SYNE3: variants seen among roughly 807,000 people sequenced by gnomAD.
SYNE3 encodes the protein spectrin repeat containing nuclear envelope family member 3.
SYNE3 carries 100 observed loss-of-function variants against 111.2 expected under a neutral mutation model. The observed-to-expected ratio is 0.90, with a 90% confidence interval of 0.77 to 1.06. The LOEUF (loss-of-function observed/expected upper bound fraction) is 1.06. SYNE3 is among the 50% of genes least tolerant of loss of function. SYNE3 has a pLI of 0.00. For missense variants in SYNE3, 1,160 were observed against 1,240.3 expected (o/e 0.94, Z 0.97); for synonymous variants, 547 against 533.9 (o/e 1.02, Z -0.34).
At chr14:95,426,717 G>A in intron 17 of SYNE3, among the ~76,000 whole-genome samples, 1 of 151,832 alleles carries the variant, frequency 6.6e-6, no homozygotes, top group Non-Finnish European at 1.5e-5. Context: ...CGAGGTGGGT[G>A]GATCATGAGA....
rs189057239 is a variant in SYNE3 at position 95,500,844 on chromosome 14, G to A, written c.-15+15752C>T. ...GAAGAAGCAAACGGTCAGCACACGA[G>A]CCCCATTCTTTGTACTCCCAGTGGG... is the stretch of plus-strand genomic sequence containing the variant. On this transcript the variant is annotated intron_variant, in intron 1 of 17. Transcript: ENST00000682763. The surrounding 1 kb of genome is among the most constrained non-coding windows in gnomAD (Gnocchi z 4.7). Among the ~76,000 whole-genome samples, 279 of 152,300 alleles carry A rather than the reference G, an allele frequency of 1.8e-3. 2 individuals carry two copies. The highest frequency in any genetic ancestry group is 6.3e-3 in the African/African-American group (262 of 41,574).
intron 1 of SYNE3, among the ~76,000 whole-genome samples, chr14:95,508,453 T>C (rs1430034521): frequency 2.6e-5 from 4 of 152,190 alleles, no homozygotes; most frequent in African/African-American, 9.7e-5. Context: ...CCTGGCCTTA[T>C]CTTCTTCTGG....
chr14:95,451,410 A>C (rs868651318), intron 7 of SYNE3: 1 of 152,226 alleles, frequency 6.6e-6, no homozygotes, highest in Non-Finnish European at 1.5e-5. Context: ...TAGGAAACCA[A>C]TACCTGAAAT....
At chr14:95,483,541 T>C (rs1053425868) in intron 1 of SYNE3, among the ~76,000 whole-genome samples, 1 of 152,136 alleles carries the variant, frequency 6.6e-6, no homozygotes, top group Admixed American at 6.5e-5. Context: ...TGTTTATTTA[T>C]CACAGAGGAG....
At chr14:95,436,268 A>T (rs1202830574) in intron 15 of SYNE3, among the ~76,000 whole-genome samples, 1 of 151,994 alleles carries the variant, frequency 6.6e-6, no homozygotes, top group Non-Finnish European at 1.5e-5. Context: ...CCTAGTCTTG[A>T]CCTCAAAAGT....
chr14:95,513,186 G>A (rs1251643320), intron 1 of SYNE3, among the ~76,000 whole-genome samples: 1 of 152,036 alleles, frequency 6.6e-6, no homozygotes, highest in Non-Finnish European at 1.5e-5. Flanking sequence ...CCTTTCCTCA[G>A]CACGCGTGGT....
chr14:95,440,271 T>A (rs1006246998), intron 11 of SYNE3, among the ~76,000 whole-genome samples, 196 bp from the exon 12 acceptor site: 4 of 152,320 alleles, frequency 2.6e-5, no homozygotes, highest in Middle Eastern at 3.4e-3. Flanking sequence ...TCAAATCTGG[T>A]TTAAAGCCTA....
At chr14:95,457,428 G>T in intron 4 of SYNE3, 90 bp from the exon 5 acceptor site, 1 of 1,382,778 alleles carries the variant, frequency 7.2e-7, no homozygotes, top group Non-Finnish European at 9.5e-7. Flanking sequence ...GGGTGTGTGT[G>T]TGTGTGTGTG....
Position 95,417,833 on chromosome 14 carries a change from G to C in SYNE3, c.2921C>G (p.Pro974Arg). ...CCTGTGTGCCCCAGTGGGTTAGGTGGGTGGTGGGCCATTGTAGCGCAGCAT... is the reference window on the plus strand; with the variant it reads ...CCTGTGTGCCCCAGTGGGTTAGGTGCGTGGTGGGCCATTGTAGCGCAGCAT... ...TLMLRYNGPP[P>R]T Residue 974 changes from proline to arginine, a missense_variant, in exon 18 of 18, where the codon CCC (proline) becomes CGC (arginine). Coordinates refer to ENST00000682763, the MANE Select transcript of SYNE3 (RefSeq NM_152592.6). 1 of 1,614,236 alleles carries C rather than the reference G, an allele frequency of 6.2e-7. No homozygotes were observed. The highest frequency in any genetic ancestry group is 8.5e-7 in the Non-Finnish European group (1 of 1,180,044).
At chr14:95,510,498 G>A (rs1890683659) in intron 1 of SYNE3, among the ~76,000 whole-genome samples, 1 of 152,218 alleles carries the variant, frequency 6.6e-6, no homozygotes, top group African/African-American at 2.4e-5. Flanking sequence ...AGATGGCCAA[G>A]AATCAAAATG....
At chr14:95,418,949 C>T (rs930490216) in intron 17 of SYNE3, among the ~76,000 whole-genome samples, 1 of 152,142 alleles carries the variant, frequency 6.6e-6, no homozygotes, top group African/African-American at 2.4e-5. Context: ...CCCTCTCTTC[C>T]TCCTCCTCCT....
intron 17 of SYNE3, among the ~76,000 whole-genome samples, chr14:95,429,699 G>A (rs1885637002): frequency 6.6e-6 from 1 of 152,144 alleles, no homozygotes; most frequent in South Asian, 2.1e-4. Flanking sequence ...AGATTCTTTA[G>A]TCATTTAGGG....
In SYNE3 at chr14:95,421,177, G is replaced by A. The variant is rs565188386; in HGVS notation, c.2728-3151C>T. Among the ~76,000 whole-genome samples, 23 of 152,294 alleles carry A rather than the reference G, an allele frequency of 1.5e-4. 1 individual carries two copies. The highest frequency in any genetic ancestry group is 5.5e-4 in the African/African-American group (23 of 41,552). On this transcript the variant is annotated intron_variant, in intron 17 of 17. Coordinates refer to ENST00000682763, the MANE Select transcript of SYNE3 (RefSeq NM_152592.6). ...TTATAAATTACCCAGTCTCGGGTAT[G>A]TCTTTATCAGCAGCATGAAAACGGA... is the stretch of plus-strand genomic sequence containing the variant.
At chr14:95,455,787 T>G (rs752679584) in intron 5 of SYNE3, 63 bp from the exon 6 acceptor site, 3 of 1,537,888 alleles carry the variant, frequency 2.0e-6, no homozygotes, top group Non-Finnish European at 2.7e-6. Context: ...TGCTGCATTT[T>G]CCAGAGCAGA....
chr14:95,433,167 T>C lies in SYNE3; in HGVS notation c.2688+93A>G, dbSNP rs1471059804. The C allele has an allele frequency of 5.3e-6, 8 of 1,512,074 alleles. No homozygotes were observed. In the East Asian group the frequency reaches 1.6e-4, roughly 30 times the overall value. 93.7% of individuals were successfully genotyped at this position (1,512,074 alleles called of 1,614,324 possible). A position where few individuals can be genotyped will look rare whatever the true frequency, so the allele number is the denominator to read the frequency against. On this transcript the variant is annotated intron_variant, in intron 16 of 17. Transcript: ENST00000682763. ...TGGTGTGTGAATGCACAGGGCAGGGTGGATGCAGGCTTAGCACTGTATCCC... is the reference window on the plus strand; with the variant it reads ...TGGTGTGTGAATGCACAGGGCAGGGCGGATGCAGGCTTAGCACTGTATCCC...
At chr14:95,514,431 A>G (rs951040780) in intron 1 of SYNE3, among the ~76,000 whole-genome samples, 2 of 152,186 alleles carry the variant, frequency 1.3e-5, no homozygotes, top group African/African-American at 4.8e-5. Flanking sequence ...GACAAGGGGA[A>G]ATCAAGGCAG....
chr14:95,429,198 G>A (rs748224047), intron 17 of SYNE3, among the ~76,000 whole-genome samples: 3 of 152,192 alleles, frequency 2.0e-5, no homozygotes, highest in East Asian at 1.9e-4. Context: ...AAAGCAGGAC[G>A]GTGTCTGCAG....
At chr14:95,479,573 C>T (rs1889104463) in intron 1 of SYNE3, among the ~76,000 whole-genome samples, 1 of 152,076 alleles carries the variant, frequency 6.6e-6, no homozygotes, top group African/African-American at 2.4e-5. Context: ...AATCAGTGCA[C>T]TAAGTGGCTG....
rs532609618 is a variant in SYNE3 at position 95,505,017 on chromosome 14, C to T, written c.-15+11579G>A. ...TGTTTCCCTTCTGGGGAGCTTAAGA[C>T]CTGGGGGAAGGGACCCTATTCGATC... is the stretch of plus-strand genomic sequence containing the variant. On this transcript the variant is annotated intron_variant, in intron 1 of 17. Transcript: ENST00000682763. 3.9e-5 allele frequency among the ~76,000 whole-genome samples: 6 copies of T among 152,310 alleles called. No individual in the cohort carries two copies. In the East Asian group the frequency reaches 1.2e-3, roughly 29 times the overall value.
Sources: allele counts gnomAD v4.1 joint callset (sites outside exome capture counted in the v4.1 genomes callset), GRCh38; gene constraint gnomAD v4.1.1; non-coding constraint Gnocchi (gnomAD v3.1); transcripts MANE v1.5; gene names NCBI Gene and HGNC (gene_info 2026-07-23, HGNC 2026-07-21).